The following C19orf38 variants were observed in gnomAD, a reference collection of about 807,000 sequenced individuals.
C19orf38 encodes protein HIDE1.
In C19orf38, 14 loss-of-function variants were observed where a neutral mutation model predicts 26.6. The ratio of observed to expected loss-of-function variants is 0.53; its 90% CI spans 0.35 to 0.82. The LOEUF (loss-of-function observed/expected upper bound fraction) is 0.82. Among genes scored for constraint, C19orf38 ranks in the 40% least tolerant of loss-of-function variants. The probability of loss-of-function intolerance (pLI) is 0.01; values close to 1 mark genes in which losing one functional copy is unlikely to be tolerated. For synonymous variants in C19orf38, 132 were observed against 128.5 expected (o/e 1.03, Z -0.18); for missense variants, 261 against 299.5 (o/e 0.87, Z 0.95).
intron 6 of C19orf38, among the ~76,000 whole-genome samples, chr19:10,867,519 T>C (rs1221291275): frequency 6.7e-6 from 1 of 149,842 alleles, no homozygotes; most frequent in East Asian, 2.0e-4. Flanking sequence ...TCGGGAGGCT[T>C]AGGCAGGAGA....
At chr19:10,854,346 G>C (rs1215527519) in intron 2 of C19orf38, among the ~76,000 whole-genome samples, 2 of 152,140 alleles carry the variant, frequency 1.3e-5, no homozygotes, top group African/African-American at 4.8e-5. Context: ...TTACAGCCAT[G>C]AGCCACCGCG....
In C19orf38 at chr19:10,868,856, T is replaced by C. The variant is rs1005138370; in HGVS notation, c.544-362T>C. 2.0e-5 allele frequency among the ~76,000 whole-genome samples: 3 copies of C among 152,238 alleles called. No individual in the cohort carries two copies. In the East Asian group the frequency reaches 5.8e-4, roughly 29 times the overall value. On this transcript the variant is annotated intron_variant, in intron 6 of 6. Transcript: ENST00000397820. The stretch of plus-strand genomic sequence containing the variant: ...TCACTTAGCAAAGAAGAGCTTACGA[T>C]GTGCCATTTGCTTTATCAGTTTTAC...
At chr19:10,847,896 GAAGGAGAGACAA>G (rs1268188786), upstream of C19orf38, among the ~76,000 whole-genome samples, 1 of 152,022 alleles carries the variant, frequency 6.6e-6, no homozygotes, top group East Asian at 1.9e-4. Context: ...AGTTCTCTTA[GAAGGAGAGACAA>G]AAGGCTGGGC....
chr19:10,854,382 G>T (rs950845262), intron 2 of C19orf38, among the ~76,000 whole-genome samples: 3 of 152,150 alleles, frequency 2.0e-5, no homozygotes, highest in South Asian at 2.1e-4. Context: ...CTTTTAAAAA[G>T]AACTTTTTCA....
chr19:10,842,592 C>T (rs1391458378), intron 1 of C19orf38, among the ~76,000 whole-genome samples: 1 of 151,968 alleles, frequency 6.6e-6, no homozygotes, highest in African/African-American at 2.4e-5. Context: ...AAAAAAGTAG[C>T]TGGGCATGGT....
intron 1 of C19orf38, among the ~76,000 whole-genome samples, chr19:10,837,070 GCCTCAGTTT>G (rs2073437726): frequency 6.6e-6 from 1 of 152,196 alleles, no homozygotes. Flanking sequence ...CCTCTGTTGA[GCCTCAGTTT>G]CCTCTTCTGC....
At chr19:10,843,815 A>T (rs528238943), upstream of C19orf38, among the ~76,000 whole-genome samples, 3 of 152,300 alleles carry the variant, frequency 2.0e-5, no homozygotes, top group South Asian at 6.2e-4. Flanking sequence ...GGAGGAGGAA[A>T]GCTGTGTTAA....
chr19:10,837,857 T>C (rs983051514), intron 1 of C19orf38, among the ~76,000 whole-genome samples: 1 of 151,988 alleles, frequency 6.6e-6, no homozygotes, highest in African/African-American at 2.4e-5. Context: ...TGGGGTGCAG[T>C]GACGCCATCA....
chr19:10,857,910 G>GAAA (rs980230762), intron 3 of C19orf38, among the ~76,000 whole-genome samples: 1 of 146,954 alleles, frequency 6.8e-6, no homozygotes, highest in African/African-American at 2.5e-5. Flanking sequence ...AAGAAAGAAA[G>GAAA]AAAGAAAGAA....
chr19:10,840,382 A>G (rs1206844253), intron 1 of C19orf38, among the ~76,000 whole-genome samples: 3 of 152,158 alleles, frequency 2.0e-5, no homozygotes, highest in African/African-American at 7.2e-5. Context: ...GAGTGCAGTA[A>G]CTGCAATCTC....
At chr19:10,844,907 C>T (rs1335468489), upstream of C19orf38, among the ~76,000 whole-genome samples, 1 of 149,650 alleles carries the variant, frequency 6.7e-6, no homozygotes, top group Admixed American at 6.7e-5. Context: ...CCTGTAATCC[C>T]AGCACTTTGG....
upstream of C19orf38, among the ~76,000 whole-genome samples, chr19:10,845,407 C>CA (rs1023168062): frequency 2.6e-5 from 4 of 152,066 alleles, no homozygotes; most frequent in Non-Finnish European, 5.9e-5. Flanking sequence ...AGCTGCCCCC[C>CA]AAAAAGCCCA....
chr19:10,839,873 C>T (rs184446079), intron 1 of C19orf38, among the ~76,000 whole-genome samples: 4 of 151,540 alleles, frequency 2.6e-5, no homozygotes, highest in East Asian at 2.0e-4. Flanking sequence ...TACAGGTGCA[C>T]GCCACCACAC....
intron 2 of C19orf38, among the ~76,000 whole-genome samples, chr19:10,851,893 G>A (rs1186358898): frequency 2.1e-4 from 32 of 151,616 alleles, no homozygotes; most frequent in Middle Eastern, 6.4e-3. Flanking sequence ...GCGTGAACCC[G>A]GGAAGCAGAG....
chr19:10,860,559 A>T (rs1345252473), intron 5 of C19orf38, among the ~76,000 whole-genome samples: 3 of 138,328 alleles, frequency 2.2e-5, no homozygotes, highest in African/African-American at 8.1e-5. Flanking sequence ...AAAAAAAAAA[A>T]GGCCAGGCGT....
intron 6 of C19orf38, among the ~76,000 whole-genome samples, chr19:10,867,470 T>G (rs905285417): frequency 6.8e-6 from 1 of 146,136 alleles, no homozygotes; most frequent in African/African-American, 2.5e-5. Flanking sequence ...AAAAAAAAAT[T>G]AGCCGGGCAT....
chr19:10,844,900 G>A (rs1446364540), upstream of C19orf38, among the ~76,000 whole-genome samples: 11 of 149,818 alleles, frequency 7.3e-5, no homozygotes, highest in Admixed American at 6.1e-4. Flanking sequence ...GCTTACGCCT[G>A]TAATCCCAGC....
chr19:10,857,292 GTA>G (rs1355276048), intron 3 of C19orf38, among the ~76,000 whole-genome samples: 5 of 115,792 alleles, frequency 4.3e-5, no homozygotes, highest in South Asian at 2.8e-4. Flanking sequence ...GTGTGTGTAT[GTA>G]TATATATATG....
intron 5 of C19orf38, among the ~76,000 whole-genome samples, chr19:10,861,261 C>G (rs555647079): frequency 1.3e-5 from 2 of 152,230 alleles, no homozygotes; most frequent in Non-Finnish European, 2.9e-5. Flanking sequence ...TGTCTATCTC[C>G]GGGACTCCAG....
Sources: gnomAD v4.1 joint callset for allele counts (sites outside exome capture counted in the v4.1 genomes callset) on GRCh38, gnomAD v4.1.1 for gene constraint, MANE v1.5 for transcripts, NCBI Gene and HGNC (gene_info 2026-07-23, HGNC 2026-07-21) for gene names.